The following FRYL variants were observed in gnomAD, a reference collection of about 807,000 sequenced individuals.
FRYL encodes the protein FRY like transcription coactivator.
Under a neutral mutation model 351.2 loss-of-function variants are expected in FRYL, and 150 were observed. The ratio of observed to expected loss-of-function variants is 0.43; its 90% CI spans 0.37 to 0.49. FRYL has a LOEUF of 0.49. Among genes scored for constraint, FRYL ranks in the 20% least tolerant of loss-of-function variants. FRYL has a pLI of 0.00. For synonymous variants in FRYL, 1,153 were observed against 1,257.1 expected, an observed-to-expected ratio of 0.92 and a Z score of 1.75; for missense variants, 3,036 against 3,619.3, an observed-to-expected ratio of 0.84 and a Z score of 4.13.
chr4:48,703,570 C>T (rs1249589502), intron 2 of FRYL, among the ~76,000 whole-genome samples: 1 of 152,216 alleles, frequency 6.6e-6, no homozygotes, highest in Non-Finnish European at 1.5e-5. Context: ...CACACTGTTT[C>T]CTATGTCTGG....
rs550380831 is a variant in FRYL, at chr4:48,680,263, AT to A, written c.-81+4409del. On this transcript the variant is annotated intron_variant, in intron 3 of 63. Coordinates refer to ENST00000358350, the MANE Select transcript of FRYL (RefSeq NM_015030.2). ...ATTTACTCCCTAAAATTAAAAAAAA[AT>A]CATAGAGAATATTTTAAACTGTTTT... 1.2e-4 allele frequency among the ~76,000 whole-genome samples: 19 copies of A among 152,162 alleles called. No homozygotes were observed. In the South Asian group the frequency reaches 3.3e-3, roughly 27 times the overall value.
intron 33 of FRYL, among the ~76,000 whole-genome samples, 159 bp from the exon 34 acceptor site, chr4:48,557,871 C>T (rs149722937): frequency 1.6e-4 from 25 of 152,260 alleles, no homozygotes; most frequent in Admixed American, 9.2e-4. Flanking sequence ...TTCACCTCAA[C>T]GACATCATAA....
At chr4:48,760,802 G>A (rs757085273) in intron 1 of FRYL, among the ~76,000 whole-genome samples, 28 of 152,080 alleles carry the variant, frequency 1.8e-4, no homozygotes, top group African/African-American at 2.4e-4. Flanking sequence ...TCAGCCTCTC[G>A]AGTAGCTGGG....
intron 13 of FRYL, among the ~76,000 whole-genome samples, chr4:48,600,878 T>A (rs1257338091): frequency 6.6e-6 from 1 of 152,194 alleles, no homozygotes; most frequent in Non-Finnish European, 1.5e-5. Context: ...GATTTGGTCC[T>A]GGGAATTTTC....
At chr4:48,712,682 G>T (rs1560301444) in intron 1 of FRYL, among the ~76,000 whole-genome samples, 1 of 152,172 alleles carries the variant, frequency 6.6e-6, no homozygotes, top group African/African-American at 2.4e-5. Context: ...AATCTAGCAA[G>T]GCAGGCCAAC....
chr4:48,681,271 T>A (rs1764569778), intron 3 of FRYL: 1 of 244,036 alleles, frequency 4.1e-6, no homozygotes, highest in South Asian at 5.2e-5. Context: ...CCCCAGTCAG[T>A]CAATTGCCAG....
chr4:48,522,818 T>C (rs768894345), intron 54 of FRYL, 83 bp downstream of exon 54: 16 of 1,008,150 alleles, frequency 1.6e-5, no homozygotes, highest in Middle Eastern at 4.1e-4. Context: ...ATTTCACCCA[T>C]GCACAAGAAA....
chr4:48,773,383 T>C (rs1775712380), intron 1 of FRYL, among the ~76,000 whole-genome samples: 1 of 152,162 alleles, frequency 6.6e-6, no homozygotes, highest in African/African-American at 2.4e-5. Flanking sequence ...TTTTAACCAG[T>C]AAGGGGCAAA....
intron 6 of FRYL, among the ~76,000 whole-genome samples, chr4:48,620,008 C>T (rs1027307626): frequency 7.2e-5 from 11 of 152,122 alleles, no homozygotes; most frequent in African/African-American, 2.7e-4. Flanking sequence ...TTGTTAAGAA[C>T]TGAAACAAAA....
chr4:48,644,910 G>T (rs1460426757), intron 3 of FRYL, among the ~76,000 whole-genome samples: 1 of 151,282 alleles, frequency 6.6e-6, no homozygotes, highest in Non-Finnish European at 1.5e-5. Context: ...CAAAGTTGGA[G>T]AAATATTTAT....
chr4:48,667,877 G>A (rs1020066009), intron 3 of FRYL, among the ~76,000 whole-genome samples: 4 of 152,098 alleles, frequency 2.6e-5, no homozygotes, highest in African/African-American at 9.7e-5. Flanking sequence ...CAAACTCCTG[G>A]CCTCAGGTGA....
At chr4:48,606,220 C>T (rs1350517285) in intron 10 of FRYL, among the ~76,000 whole-genome samples, 1 of 151,610 alleles carries the variant, frequency 6.6e-6, no homozygotes, top group Admixed American at 6.6e-5. Context: ...TTGCAGTGAG[C>T]CGAGATCATG....
intron 56 of FRYL, among the ~76,000 whole-genome samples, chr4:48,513,423 T>A (rs1722896467): frequency 6.6e-6 from 1 of 152,052 alleles, no homozygotes; most frequent in Admixed American, 6.6e-5. Context: ...ATCCCTAAAG[T>A]CAGATTATAC....
chr4:48,559,702 GA>G (rs1382337401), intron 33 of FRYL, among the ~76,000 whole-genome samples: 1 of 129,834 alleles, frequency 7.7e-6, no homozygotes, highest in Non-Finnish European at 1.7e-5. Flanking sequence ...GGGTGGGGGA[GA>G]GGGAGAGAGA....
chr4:48,682,969 G>A lies in FRYL; in HGVS notation c.-81+1704C>T, dbSNP rs367626049. Among the ~76,000 whole-genome samples the A allele has an allele frequency of 7.9e-5, 12 of 152,234 alleles. No homozygotes were observed. In the East Asian group the frequency reaches 2.1e-3, roughly 27 times the overall value. ...TTCTATTATAAAGACTCATGCACACGTATGTATATTGCGGCACTGTTCACA... is the reference window on the plus strand; with the variant it reads ...TTCTATTATAAAGACTCATGCACACATATGTATATTGCGGCACTGTTCACA... On this transcript the variant is annotated intron_variant, in intron 3 of 63. Coordinates refer to ENST00000358350, the MANE Select transcript of FRYL (RefSeq NM_015030.2).
intron 1 of FRYL, among the ~76,000 whole-genome samples, chr4:48,777,965 C>A (rs1384297617): frequency 6.6e-6 from 1 of 152,070 alleles, no homozygotes; most frequent in Non-Finnish European, 1.5e-5. Context: ...GCAGAAGGAT[C>A]GCTTGAGGCC....
chr4:48,715,964 A>C (rs1278498073), intron 1 of FRYL, among the ~76,000 whole-genome samples: 1 of 152,132 alleles, frequency 6.6e-6, no homozygotes, highest in East Asian at 1.9e-4. Context: ...CCTCAGAAAT[A>C]ATGCCGCATA....
At chr4:48,556,417 C>T (rs1302329962) in intron 35 of FRYL, among the ~76,000 whole-genome samples, 1 of 152,172 alleles carries the variant, frequency 6.6e-6, no homozygotes, top group Non-Finnish European at 1.5e-5. Context: ...ATGTTATCTT[C>T]TTCGTTTCAT....
At chr4:48,739,522 T>C (rs1280945687) in intron 1 of FRYL, among the ~76,000 whole-genome samples, 3 of 141,090 alleles carry the variant, frequency 2.1e-5, no homozygotes, top group African/African-American at 7.9e-5. Flanking sequence ...TGCAAAAAAA[T>C]AAATAAAGAA....
Sources: allele counts gnomAD v4.1 joint callset (sites outside exome capture counted in the v4.1 genomes callset), GRCh38; gene constraint gnomAD v4.1.1; transcripts MANE v1.5; gene names NCBI Gene and HGNC (gene_info 2026-07-23, HGNC 2026-07-21).